C2orf80: variants seen among roughly 807,000 people sequenced by gnomAD.
The protein encoded by C2orf80 is uncharacterized protein C2orf80.
In C2orf80, 28 loss-of-function variants were observed where a neutral mutation model predicts 30.2. The ratio of observed to expected loss-of-function variants is 0.93; its 90% CI spans 0.69 to 1.27. The LOEUF (loss-of-function observed/expected upper bound fraction) is 1.27. Ranked by LOEUF, C2orf80 falls within the 50% of genes most tolerant of loss-of-function variation. The probability of loss-of-function intolerance (pLI) is 0.00; values close to 1 mark genes in which losing one functional copy is unlikely to be tolerated. For synonymous variants in C2orf80, 80 were observed against 76.4 expected (o/e 1.05, Z -0.24); for missense variants, 220 against 231.0 (o/e 0.95, Z 0.31).
At chr2:208,175,484 C>T (rs965164790) in intron 6 of C2orf80, among the ~76,000 whole-genome samples, 1 of 152,120 alleles carries the variant, frequency 6.6e-6, no homozygotes, top group Non-Finnish European at 1.5e-5. Flanking sequence ...GTGAGCAATC[C>T]CGCGCCTATG....
intron 6 of C2orf80, among the ~76,000 whole-genome samples, chr2:208,178,124 C>G (rs921408926): frequency 6.6e-6 from 1 of 152,106 alleles, no homozygotes; most frequent in African/African-American, 2.4e-5. Flanking sequence ...AGCCTTCTAG[C>G]AACTTTAAAT....
intron 6 of C2orf80, among the ~76,000 whole-genome samples, chr2:208,174,503 TA>T (rs1696213121): frequency 6.6e-6 from 1 of 152,116 alleles, no homozygotes; most frequent in African/African-American, 2.4e-5. Context: ...ATAACAGCAC[TA>T]ATATGGAAGG....
chr2:208,181,186 T>C (rs1696546042), intron 5 of C2orf80, 32 bp downstream of exon 5: 4 of 1,366,124 alleles, frequency 2.9e-6, no homozygotes, highest in Non-Finnish European at 3.1e-6. Flanking sequence ...ATATGAAATA[T>C]TCATATAGGC....
At chr2:208,189,768 C>A in intron 1 of C2orf80, 185 bp downstream of exon 1, 1 of 605,490 alleles carries the variant, frequency 1.7e-6, no homozygotes, top group Non-Finnish European at 2.9e-6. Context: ...CAGGCTTTAG[C>A]TGTTTCATAG....
Position 208,182,986 on chromosome 2 carries a change from G to C in C2orf80, c.185C>G (p.Thr62Ser). 1 of 1,613,882 alleles carries C rather than the reference G, an allele frequency of 6.2e-7. No individual in the cohort carries two copies. Reference protein sequence around the residue: ...LQWLDPSEDLTWLEWEELKIP... With the variant: ...LQWLDPSEDLSWLEWEELKIP... ...TTACAGTTCCTCCCACTCCAGCCAA[G>C]TTAAGTCTTCTGAGGGATCCAGCCA... is the stretch of plus-strand genomic sequence containing the variant. Residue 62 changes from threonine to serine, a missense_variant, in exon 4 of 9, where the codon ACT becomes AGT. Physicochemically the swap from Thr to Ser is moderately conservative, Grantham distance 58. Coordinates refer to ENST00000341287, the MANE Select transcript of C2orf80 (RefSeq NM_001099334.3).
intron 1 of C2orf80, among the ~76,000 whole-genome samples, chr2:208,188,873 C>T (rs1696796918): frequency 6.6e-6 from 1 of 152,128 alleles, no homozygotes; most frequent in Admixed American, 6.5e-5. Flanking sequence ...AGTATCAAGA[C>T]AATAATATTG....
At chr2:208,180,449 CA>C (rs59005854) in intron 6 of C2orf80, among the ~76,000 whole-genome samples, 10,354 of 129,080 alleles carry the variant, frequency 0.08, 1,131 homozygotes, top group African/African-American at 0.26. Context: ...GACTCTGTCT[CA>C]AAAAAAAAAA....
intron 4 of C2orf80, 147 bp from the exon 5 acceptor site, chr2:208,181,452 C>T: frequency 1.8e-6 from 1 of 559,244 alleles, no homozygotes; most frequent in Non-Finnish European, 3.2e-6. Flanking sequence ...GATTGTTCCT[C>T]CATCGGTGAA....
In C2orf80 at chr2:208,165,571, G is replaced by A. The variant is rs563362783; in HGVS notation, c.*236C>T. 220 of 469,484 alleles carry A rather than the reference G, an allele frequency of 4.7e-4. 1 individual carries two copies. The highest frequency in any genetic ancestry group is 2.8e-3 in the African/African-American group (142 of 50,420). 29.1% of individuals were successfully genotyped at this position (469,484 alleles called of 1,614,324 possible). A position where few individuals can be genotyped will look rare whatever the true frequency, so the allele number is the denominator to read the frequency against. ...TATATACTTTCTGAATTCTCCAGCA[G>A]TCTTCCAGTCACAATGAAGTAGCAT... On this transcript the variant is annotated 3_prime_UTR_variant, in exon 9 of 9. Transcript: ENST00000341287.
intron 5 of C2orf80, 43 bp downstream of exon 5, chr2:208,181,175 G>A: frequency 8.1e-7 from 1 of 1,233,932 alleles, no homozygotes; most frequent in South Asian, 1.2e-5. Context: ...GCTCAGAGTA[G>A]ATATGAAATA....
At chr2:208,178,048 C>T (rs1442267926) in intron 6 of C2orf80, among the ~76,000 whole-genome samples, 4 of 151,912 alleles carry the variant, frequency 2.6e-5, no homozygotes, top group African/African-American at 9.7e-5. Context: ...AAACTCCTGA[C>T]CTCAGGTGAT....
At chr2:208,176,917 ATCTG>A (rs1559340232) in intron 6 of C2orf80, among the ~76,000 whole-genome samples, 2 of 122,360 alleles carry the variant, frequency 1.6e-5, no homozygotes, top group African/African-American at 6.0e-5. Context: ...GTGTATACAT[ATCTG>A]TATACATATG....
At chr2:208,170,489 AT>A (rs1311280050) in intron 8 of C2orf80, among the ~76,000 whole-genome samples, 75 of 152,310 alleles carry the variant, frequency 4.9e-4, no homozygotes, top group Middle Eastern at 3.4e-3. Context: ...AAAGAAAATT[AT>A]TATTGCTGAG....
chr2:208,176,021 C>G (rs533759802), intron 6 of C2orf80, among the ~76,000 whole-genome samples: 3 of 152,050 alleles, frequency 2.0e-5, no homozygotes, highest in African/African-American at 7.2e-5. Context: ...TCAAATTACG[C>G]CCTCTGTGAT....
At chr2:208,176,878 T>A (rs1214384592) in intron 6 of C2orf80, among the ~76,000 whole-genome samples, 1 of 119,830 alleles carries the variant, frequency 8.3e-6, no homozygotes, top group Non-Finnish European at 1.9e-5. Context: ...TATACATATG[T>A]ATACATAGGT....
Position 208,176,950 on chromosome 2 carries a change from T to TATGTATACATATGTATACAG in C2orf80, c.366+3794_366+3795insCTGTATACATATGTATACAT. ...ACATATGTATACATATCTGTATACA[T>TATGTATACATATGTATACAG]ATCTGTATACATATGTATACATATA... is the stretch of plus-strand genomic sequence containing the variant. On this transcript the variant is annotated intron_variant, in intron 6 of 8. Transcript: ENST00000341287. Among the ~76,000 whole-genome samples the TATGTATACATATGTATACAG allele has an allele frequency of 9.1e-5, 3 of 32,860 alleles. 1 individual carries two copies. Among genetic ancestry groups the TATGTATACATATGTATACAG allele is most frequent in the African/African-American group, 2.0e-4 (2 of 9,818 alleles). 21.6% of individuals were successfully genotyped at this position (32,860 alleles called of 152,430 possible). A position where few individuals can be genotyped will look rare whatever the true frequency, so the allele number is the denominator to read the frequency against.
intron 6 of C2orf80, among the ~76,000 whole-genome samples, chr2:208,175,700 T>C (rs1696265668): frequency 6.6e-6 from 1 of 152,118 alleles, no homozygotes; most frequent in Non-Finnish European, 1.5e-5. Flanking sequence ...ATCATTCAGA[T>C]ATATGTAGCA....
chr2:208,172,036 A>G lies in C2orf80; in HGVS notation c.406T>C (p.Phe136Leu). The G allele has an allele frequency of 1.2e-6, 2 of 1,613,936 alleles. No individual in the cohort carries two copies. Among genetic ancestry groups the G allele is most frequent in the Non-Finnish European group, 1.7e-6 (2 of 1,179,860 alleles). The change falls in exon 7 of 9, where the codon TTT becomes CTT. Residue 136 changes from phenylalanine to leucine, a missense_variant. Transcript: ENST00000341287. ...GCTTTGGGTGCTGTTAACATGGCAAAGGGGTGCAAGGAGAGGCAGAGAGAT... is the reference window on the plus strand; with the variant it reads ...GCTTTGGGTGCTGTTAACATGGCAAGGGGGTGCAAGGAGAGGCAGAGAGAT... ...VSSLCLSLHP[F>L]AMLTAPKAAA...
intron 6 of C2orf80, 97 bp from the exon 7 acceptor site, chr2:208,172,172 T>C (rs1696123316): frequency 6.4e-6 from 6 of 930,928 alleles, no homozygotes; most frequent in Non-Finnish European, 8.9e-6. Flanking sequence ...CAACTCAGAA[T>C]CCTTGAGTCC....
Sources: gnomAD v4.1 joint callset for allele counts (sites outside exome capture counted in the v4.1 genomes callset) on GRCh38, gnomAD v4.1.1 for gene constraint, MANE v1.5 for transcripts, NCBI Gene and HGNC (gene_info 2026-07-23, HGNC 2026-07-21) for gene names.